Variants in SYT4 observed in about 807,000 individuals in gnomAD.
The protein encoded by SYT4 is synaptotagmin 4.
A neutral mutation model predicts 32.9 loss-of-function variants in SYT4; 7 were observed. That is an observed-to-expected ratio of 0.21 (90% CI 0.12 to 0.40). SYT4 has a LOEUF of 0.40. Ranked by LOEUF, SYT4 falls within the 10% of genes least tolerant of loss-of-function variation. The pLI is 1.00. For missense variants in SYT4, 480 were observed against 488.0 expected, an observed-to-expected ratio of 0.98 and a Z score of 0.16; for synonymous variants, 205 against 186.2, an observed-to-expected ratio of 1.10 and a Z score of -0.82.
In SYT4 at chr18:43,273,604, T is replaced by C. The variant is rs374795370; in HGVS notation, c.825A>G (p.Arg275=). 30 of 1,611,962 alleles carry C rather than the reference T, an allele frequency of 1.9e-5. No homozygotes were observed. In the African/African-American group the frequency reaches 2.1e-4, roughly 11 times the overall value. Residue 275 remains arginine (R), a synonymous_variant, in exon 2 of 4, where the codon AGA becomes AGG. Transcript: ENST00000255224. ...CCCTAACATTTCTCTTGATGATCTC[T>C]CTATTCATTAACATTTTTCCTTCAG... ...ELSEGKMLMN[R]EIIKRNVRKS...
In SYT4 at chr18:43,271,954, T is replaced by A. The variant is rs534582897; in HGVS notation, c.850-122A>T. On this transcript the variant is annotated intron_variant, in intron 2 of 3. Transcript: ENST00000255224. Reference sequence around the variant, plus strand: ...ATCTTACTTATTTTTATTTTAATATTCTAAGGAATTGAAGAGTAACTAAAA... The same window carrying A: ...ATCTTACTTATTTTTATTTTAATATACTAAGGAATTGAAGAGTAACTAAAA... 2.7e-6 allele frequency: 3 copies of A among 1,117,394 alleles called. No homozygotes were observed. The Admixed American group carries it at 9.0e-5, about 34-fold the overall frequency. The allele number at this position is 1,117,394 out of a possible 1,614,324, so 69.2% of individuals were successfully genotyped here.
chr18:43,275,519 T>A (rs1003490497), intron 1 of SYT4, among the ~76,000 whole-genome samples: 1 of 152,096 alleles, frequency 6.6e-6, no homozygotes, highest in Non-Finnish European at 1.5e-5. Context: ...TAGTAAATAA[T>A]AAAGTTATAA....
chr18:43,271,679 C>A (rs1428658293), intron 3 of SYT4, 33 bp downstream of exon 3: 1 of 1,609,672 alleles, frequency 6.2e-7, no homozygotes, highest in African/African-American at 1.3e-5. Context: ...TCCAATCATA[C>A]AGTGAATCTG....
rs938272267 is a variant in SYT4, at chr18:43,274,171, A to G, written c.258T>C (p.Ala86=). The G allele has an allele frequency of 3.7e-6, 6 of 1,613,996 alleles. No individual in the cohort carries two copies. Among genetic ancestry groups the G allele is most frequent in the Non-Finnish European group, 4.2e-6 (5 of 1,179,972 alleles). The part of the protein sequence containing the change: ...DDKNEVKNKP[A]VPKNSLHLDL... Reference sequence around the variant, plus strand: ...CCAGATGCAATGAATTCTTTGGCACAGCTGGCTTATTCTTTACTTCATTTT... The same window carrying G: ...CCAGATGCAATGAATTCTTTGGCACGGCTGGCTTATTCTTTACTTCATTTT... The change falls in exon 2 of 4, where the codon GCT becomes GCC. Residue 86 remains alanine, a synonymous_variant. Coordinates refer to ENST00000255224, the MANE Select transcript of SYT4 (RefSeq NM_020783.4).
In SYT4 at chr18:43,270,270, C is replaced by A. The variant is rs1908585392; in HGVS notation, c.*71G>T. 9 of 1,511,388 alleles carry A rather than the reference C, an allele frequency of 6.0e-6. No homozygotes were observed. Among genetic ancestry groups the A allele is most frequent in the Non-Finnish European group, 8.1e-6 (9 of 1,116,198 alleles). 93.6% of individuals were successfully genotyped at this position (1,511,388 alleles called of 1,614,324 possible). On this transcript the variant is annotated 3_prime_UTR_variant, in exon 4 of 4. Transcript: ENST00000255224. ...TAGCTTGATTTCCCAAGCTTGCAATCCAATATAGAAAGAAAGAAAATTTCT... is the reference window on the plus strand; with the variant it reads ...TAGCTTGATTTCCCAAGCTTGCAATACAATATAGAAAGAAAGAAAATTTCT...
In SYT4 at chr18:43,270,286, G is replaced by T. The variant is rs947786134; in HGVS notation, c.*55C>A. 15 of 1,559,010 alleles carry T rather than the reference G, an allele frequency of 9.6e-6. No individual in the cohort carries two copies. In the African/African-American group the frequency reaches 1.1e-4, roughly 11 times the overall value. ...GCTTGCAATCCAATATAGAAAGAAA[G>T]AAAATTTCTCCTTGCCTAGTAAAAA... On this transcript the variant is annotated 3_prime_UTR_variant, in exon 4 of 4. Transcript: ENST00000255224.
At position 43,271,708 on chromosome 18, in the gene SYT4, T is replaced by C. The variant is rs565625174; in HGVS notation, c.970+4A>G. The C allele has an allele frequency of 1.6e-5, 26 of 1,612,644 alleles. No homozygotes were observed. In the African/African-American group the frequency reaches 3.2e-4, roughly 20 times the overall value. ...GAATCTGAATATTTCAGAAGCATTC[T>C]TACCTGAAAGTCCGGACACATCAGA... On this transcript the variant is annotated splice_donor_region_variant and intron_variant, in intron 3 of 3. Transcript: ENST00000255224.
rs780577472 is a variant in SYT4 at position 43,269,749 on chromosome 18, T to G, written c.*592A>C. ...AAATAATTTCTCAGCTTGTTCACTG[T>G]CCTTTTGAAATGAATCTGAGTTACT... On this transcript the variant is annotated 3_prime_UTR_variant, in exon 4 of 4. Transcript: ENST00000255224. 6.5e-6 allele frequency: 1 copy of G among 153,374 alleles called. No individual in the cohort carries two copies. The highest frequency in any genetic ancestry group is 1.5e-5 in the Non-Finnish European group (1 of 68,582). 9.5% of individuals were successfully genotyped at this position (153,374 alleles called of 1,614,324 possible).
rs778270412 is a variant in SYT4, at chr18:43,270,313, C to T, written c.*28G>A. 3 of 1,598,960 alleles carry T rather than the reference C, an allele frequency of 1.9e-6. No individual in the cohort carries two copies. The highest frequency in any genetic ancestry group is 1.1e-5 in the South Asian group (1 of 89,628). ...AAATTTCTCCTTGCCTAGTAAAAAC[C>T]TTTAAGTTCCAACTCACGGCTAGGA... On this transcript the variant is annotated 3_prime_UTR_variant, in exon 4 of 4. Coordinates refer to ENST00000255224, the MANE Select transcript of SYT4 (RefSeq NM_020783.4).
Position 43,273,788 on chromosome 18 carries a change from G to A in SYT4, c.641C>T (p.Thr214Ile). 3 of 1,614,004 alleles carry A rather than the reference G, an allele frequency of 1.9e-6. No individual in the cohort carries two copies. Among genetic ancestry groups the A allele is most frequent in the South Asian group, 1.1e-5 (1 of 91,076 alleles). ...HKVKTRVLRK[T>I]LDPAFDETFT... is the part of the protein sequence containing the mutation. ...GGTCTCATCAAAAGCTGGATCCAAGGTTTTTCTCAGCACTCTAGTTTTCAC... is the reference window on the plus strand; with the variant it reads ...GGTCTCATCAAAAGCTGGATCCAAGATTTTTCTCAGCACTCTAGTTTTCAC... Residue 214 changes from threonine to isoleucine, a missense_variant, in exon 2 of 4, where the codon ACC (threonine) becomes ATC (isoleucine). By Grantham distance (89) the Thr-to-Ile change is moderately conservative. Transcript: ENST00000255224.
At chr18:43,270,754 A>T in intron 3 of SYT4, 106 bp from the exon 4 acceptor site, 2 of 1,228,170 alleles carry the variant, frequency 1.6e-6, no homozygotes, top group Non-Finnish European at 2.3e-6. Flanking sequence ...ACATGTGGTT[A>T]CCAGGAAAAT....
chr18:43,270,382 T>G lies in SYT4; in HGVS notation c.1237A>C (p.Arg413=). Residue 413 remains arginine, a synonymous_variant, in exon 4 of 4, where the codon AGG becomes CGG. Transcript: ENST00000255224. The stretch of plus-strand genomic sequence containing the variant: ...ACGTGCCACTTGGCAATTTGTCTCC[T>G]GGGGTAGTCACAGATCTCTTTCCAG... ...EHWKEICDYP[R]RQIAKWHVLC... 1 of 1,614,126 alleles carries G rather than the reference T, an allele frequency of 6.2e-7. No individual in the cohort carries two copies. Among genetic ancestry groups the G allele is most frequent in the Non-Finnish European group, 8.5e-7 (1 of 1,179,974 alleles).
At chr18:43,276,345 C>A (rs935356675) in intron 1 of SYT4, among the ~76,000 whole-genome samples, 1 of 152,130 alleles carries the variant, frequency 6.6e-6, no homozygotes, top group African/African-American at 2.4e-5. Context: ...AGCTTAATAA[C>A]AATTATCACA....
In SYT4 at chr18:43,267,961, A is replaced by T. The variant is rs1908503481; in HGVS notation, c.*2380T>A. The T allele has an allele frequency of 6.6e-6, 1 of 152,254 alleles. No homozygotes were observed. The highest frequency in any genetic ancestry group is 1.5e-5 in the Non-Finnish European group (1 of 68,050). The allele number at this position is 152,254 out of a possible 1,614,324, so 9.4% of individuals were successfully genotyped here. Reference sequence around the variant, plus strand: ...TACAAACATCATACAGAGCTGGCACAAAAGAACAGACACTGTCTCACACAC... The same window carrying T: ...TACAAACATCATACAGAGCTGGCACTAAAGAACAGACACTGTCTCACACAC... On this transcript the variant is annotated 3_prime_UTR_variant, in exon 4 of 4. Coordinates refer to ENST00000255224, the MANE Select transcript of SYT4 (RefSeq NM_020783.4).
chr18:43,268,943 C>G lies in SYT4; in HGVS notation c.*1398G>C, dbSNP rs1315521595. 1.3e-5 allele frequency: 2 copies of G among 152,538 alleles called. No homozygotes were observed. The highest frequency in any genetic ancestry group is 2.9e-5 in the Non-Finnish European group (2 of 68,022). 9.4% of individuals were successfully genotyped at this position (152,538 alleles called of 1,614,324 possible). On this transcript the variant is annotated 3_prime_UTR_variant, in exon 4 of 4. Transcript: ENST00000255224. ...CTCAAAATGTAAATTTTTCAGTAGA[C>G]TTAATTTCTAACTTGCATATTTAAT...
intron 1 of SYT4, among the ~76,000 whole-genome samples, chr18:43,275,041 C>T (rs899040812): frequency 7.9e-5 from 12 of 152,092 alleles, no homozygotes; most frequent in Admixed American, 2.0e-4. Flanking sequence ...ACTATCATCC[C>T]TTTGTATGAC....
intron 2 of SYT4, among the ~76,000 whole-genome samples, chr18:43,273,224 T>A (rs1293688592): frequency 6.6e-6 from 1 of 152,134 alleles, no homozygotes; most frequent in East Asian, 1.9e-4. Context: ...GACCTTGAAA[T>A]CTCTTTGTTA....
chr18:43,274,225 A>G lies in SYT4; in HGVS notation c.204T>C (p.Asn68=), dbSNP rs1237244357. 1 of 1,613,770 alleles carries G rather than the reference A, an allele frequency of 6.2e-7. No individual in the cohort carries two copies. Among genetic ancestry groups the G allele is most frequent in the Admixed American group, 1.7e-5 (1 of 59,970 alleles). Reference sequence around the variant, plus strand: ...CATCTGCTCCAAACTTCTTTTTGCTATTTAGGTTTTCAGGGTAAATATCAA... The same window carrying G: ...CATCTGCTCCAAACTTCTTTTTGCTGTTTAGGTTTTCAGGGTAAATATCAA... ...KGVDIYPENL[N]SKKKFGADDK... Residue 68 remains asparagine (N), a synonymous_variant, in exon 2 of 4, where the codon AAT becomes AAC. Transcript: ENST00000255224.
At chr18:43,274,823 C>T (rs902934103) in intron 1 of SYT4, among the ~76,000 whole-genome samples, 4 of 152,058 alleles carry the variant, frequency 2.6e-5, no homozygotes, top group African/African-American at 7.2e-5. Context: ...TAGTTCTTTA[C>T]TCAGAATTCA....
Sources: gnomAD v4.1 joint callset for allele counts (sites outside exome capture counted in the v4.1 genomes callset) on GRCh38, gnomAD v4.1.1 for gene constraint, MANE v1.5 for transcripts, NCBI Gene and HGNC (gene_info 2026-07-23, HGNC 2026-07-21) for gene names.